The following TMEM87B variants were observed in gnomAD, a reference collection of about 807,000 sequenced individuals.
The protein encoded by TMEM87B is transmembrane protein 87B.
In TMEM87B, 83 loss-of-function variants were observed where a neutral mutation model predicts 80.3. The observed-to-expected ratio is 1.03, with a 90% CI of 0.87 to 1.24. The LOEUF is 1.24. Ranked by LOEUF, TMEM87B falls within the 50% of genes most tolerant of loss-of-function variation. The pLI, the probability that TMEM87B is intolerant of heterozygous loss-of-function variation, is 0.00. For synonymous variants in TMEM87B, 219 were observed against 230.5 expected (o/e 0.95, Z 0.45); for missense variants, 625 against 674.4 (o/e 0.93, Z 0.81).
In TMEM87B at chr2:112,076,363, AC is replaced by A. The variant is rs563122453; in HGVS notation, c.502-828del. Among the ~76,000 whole-genome samples the A allele has an allele frequency of 1.6e-4, 25 of 152,296 alleles. No homozygotes were observed. In the South Asian group the frequency reaches 5.2e-3, roughly 32 times the overall value. On this transcript the variant is annotated intron_variant, in intron 5 of 18. Transcript: ENST00000283206. ...TAGAAAAAAGAGGTTTTTTTGAGAC[AC>A]AGGCTTGTTCTGTCACCTAGGCTGG...
intron 4 of TMEM87B, 74 bp from the exon 5 acceptor site, chr2:112,074,838 T>A (rs891110324): frequency 3.5e-6 from 5 of 1,417,668 alleles, no homozygotes; most frequent in Middle Eastern, 2.1e-4. Flanking sequence ...TAACTTTTTT[T>A]CTTAATTATT....
chr2:112,085,897 T>G (rs1017704491), intron 8 of TMEM87B, 108 bp from the exon 9 acceptor site: 1 of 783,226 alleles, frequency 1.3e-6, no homozygotes, highest in Non-Finnish European at 2.0e-6. Context: ...TGTGGCTGAT[T>G]GGTCTGAAGT....
intron 14 of TMEM87B, among the ~76,000 whole-genome samples, chr2:112,099,548 A>G (rs978748619): frequency 9.2e-6 from 1 of 109,150 alleles, no homozygotes; most frequent in Non-Finnish European, 1.8e-5. Context: ...ATATATATAT[A>G]TATATATACA....
Position 112,060,056 on chromosome 2 carries a change from TA to T in TMEM87B, c.226+23del. 6.5e-7 allele frequency: 1 copy of T among 1,545,488 alleles called. No individual in the cohort carries two copies. Among genetic ancestry groups the T allele is most frequent in the South Asian group, 1.2e-5 (1 of 85,300 alleles). On this transcript the variant is annotated intron_variant, in intron 2 of 18. Coordinates refer to ENST00000283206, the MANE Select transcript of TMEM87B (RefSeq NM_032824.3). ...TTATCTGGTAAGTATAATAAAACAA[TA>T]AAATACTAGACTGGGCGCAATGGCT...
chr2:112,057,422 C>T (rs1342429174), intron 1 of TMEM87B, among the ~76,000 whole-genome samples: 1 of 152,166 alleles, frequency 6.6e-6, no homozygotes, highest in East Asian at 1.9e-4. Flanking sequence ...ACTATAGGTA[C>T]ATGCCACACA....
intron 8 of TMEM87B, among the ~76,000 whole-genome samples, 192 bp downstream of exon 8, chr2:112,081,710 A>G (rs115693911): frequency 0.042 from 6,359 of 152,256 alleles, 182 homozygotes; most frequent in Non-Finnish European, 0.061. Context: ...TCTCTTCATT[A>G]TCTGTTTTCC....
In TMEM87B at chr2:112,118,103, T is replaced by C. The variant is rs1157549544; in HGVS notation, c.*1960T>C. On this transcript the variant is annotated 3_prime_UTR_variant, in exon 19 of 19. Transcript: ENST00000283206. ...ATCCAGAGAAAGCAGAATTCCCTCC[T>C]AGTAACCTCATTACAAATACTGTTA... The C allele has an allele frequency of 6.6e-6, 1 of 152,206 alleles. No individual in the cohort carries two copies. The highest frequency in any genetic ancestry group is 2.4e-5 in the African/African-American group (1 of 41,466). The allele number at this position is 152,206 out of a possible 1,614,324, so 9.4% of individuals were successfully genotyped here.
intron 11 of TMEM87B, among the ~76,000 whole-genome samples, chr2:112,096,535 G>C (rs938913152): frequency 1.3e-5 from 2 of 152,170 alleles, no homozygotes; most frequent in African/African-American, 4.8e-5. Context: ...GTCCAGATTT[G>C]TTTCATCTGA....
At chr2:112,069,968 C>T (rs1573688859) in intron 4 of TMEM87B, among the ~76,000 whole-genome samples, 1 of 152,202 alleles carries the variant, frequency 6.6e-6, no homozygotes, top group East Asian at 1.9e-4. Flanking sequence ...ATATGCATGT[C>T]TTCCTTTGAA....
chr2:112,069,198 CAA>C (rs1280554360), intron 4 of TMEM87B, among the ~76,000 whole-genome samples: 65 of 62,362 alleles, frequency 1.0e-3, no homozygotes, highest in Admixed American at 1.7e-4. Flanking sequence ...GACTCCGTCT[CAA>C]AAAAAAAAAA....
At chr2:112,083,581 A>G (rs1461153290) in intron 8 of TMEM87B, among the ~76,000 whole-genome samples, 1 of 152,182 alleles carries the variant, frequency 6.6e-6, no homozygotes, top group Non-Finnish European at 1.5e-5. Context: ...TTGCATCAGC[A>G]TCACTTGAAG....
intron 4 of TMEM87B, among the ~76,000 whole-genome samples, chr2:112,073,961 AC>A (rs1573694038): frequency 6.6e-6 from 1 of 151,590 alleles, no homozygotes; most frequent in Non-Finnish European, 1.5e-5. Flanking sequence ...TTTTTCTCCA[AC>A]CCTTTATTTT....
intron 11 of TMEM87B, among the ~76,000 whole-genome samples, chr2:112,093,322 C>T (rs984352152): frequency 9.9e-5 from 15 of 152,202 alleles, no homozygotes; most frequent in African/African-American, 3.6e-4. Flanking sequence ...ATTCATTGTC[C>T]TCACTCGTCA....
chr2:112,072,025 A>G (rs867236217), intron 4 of TMEM87B, among the ~76,000 whole-genome samples: 1 of 152,212 alleles, frequency 6.6e-6, no homozygotes, highest in Non-Finnish European at 1.5e-5. Flanking sequence ...CCTTTTCTGT[A>G]TCTATTGAGA....
chr2:112,057,278 GT>G lies in TMEM87B; in HGVS notation c.165+1527del, dbSNP rs1678105285. ...ATCTATCAGGAAATTTTGTTTCTTT[GT>G]TTTTGTTTGTTTGAGACAGAGTCTT... On this transcript the variant is annotated intron_variant, in intron 1 of 18. Transcript: ENST00000283206. 2.6e-5 allele frequency among the ~76,000 whole-genome samples: 4 copies of G among 152,232 alleles called. No individual in the cohort carries two copies. The South Asian group carries it at 8.3e-4, about 32-fold the overall frequency.
intron 2 of TMEM87B, among the ~76,000 whole-genome samples, chr2:112,061,964 G>A (rs958675711): frequency 1.3e-5 from 2 of 152,244 alleles, no homozygotes; most frequent in Non-Finnish European, 1.5e-5. Context: ...CTGGTGCCAT[G>A]CTCACCAAAC....
chr2:112,100,774 G>T, intron 15 of TMEM87B, 79 bp downstream of exon 15: 2 of 845,850 alleles, frequency 2.4e-6, no homozygotes, highest in Non-Finnish European at 3.7e-6. Context: ...GTGATGCAAG[G>T]TCACATATAT....
At chr2:112,092,962 A>AT (rs1300351832) in intron 11 of TMEM87B, among the ~76,000 whole-genome samples, 2 of 152,190 alleles carry the variant, frequency 1.3e-5, no homozygotes, top group African/African-American at 2.4e-5. Flanking sequence ...GATAGGTTTC[A>AT]TTTTTTGCCA....
chr2:112,110,201 T>C (rs542006866), intron 17 of TMEM87B, among the ~76,000 whole-genome samples: 46 of 152,358 alleles, frequency 3.0e-4, no homozygotes, highest in Admixed American at 2.5e-3. Flanking sequence ...TTTCCTTCTT[T>C]GTTTCATTTT....
Sources: gnomAD v4.1 joint callset for allele counts (sites outside exome capture counted in the v4.1 genomes callset) on GRCh38, gnomAD v4.1.1 for gene constraint, MANE v1.5 for transcripts, NCBI Gene and HGNC (gene_info 2026-07-23, HGNC 2026-07-21) for gene names.